The following USP9Y variants were observed in gnomAD, a reference collection of about 807,000 sequenced individuals.
USP9Y encodes ubiquitin carboxyl-terminal hydrolase 9Y.
USP9Y carries 41 observed loss-of-function variants against 53.1 expected under a neutral mutation model. That is an observed-to-expected ratio of 0.77 (90% CI 0.60 to 1.00). The LOEUF is 1.00. Among genes scored for constraint, USP9Y ranks in the 50% least tolerant of loss-of-function variants. The pLI is 0.00. For synonymous variants in USP9Y, 220 were observed against 173.7 expected (o/e 1.27, Z -2.09); for missense variants, 567 against 535.8 (o/e 1.06, Z -0.58).
At chrY:12,713,008 C>T (rs2053426291) in intron 3 of USP9Y, among the ~76,000 whole-genome samples, 2 of 31,919 alleles carry the variant, frequency 6.3e-5, no homozygotes, top group East Asian at 1.6e-3. Flanking sequence ...TCATTGAATA[C>T]GTTGTTGTTA....
chrY:12,846,858 T>G, intron 40 of USP9Y, 75 bp from the exon 41 acceptor site: 1 of 258,079 alleles, frequency 3.9e-6, no homozygotes, highest in Non-Finnish European at 6.2e-6. Context: ...ATTGTATTTT[T>G]TAAGTTAAGA....
intron 27 of USP9Y, among the ~76,000 whole-genome samples, chrY:12,809,035 A>T (rs2053527415): frequency 8.8e-5 from 3 of 33,912 alleles, no homozygotes; most frequent in African/African-American, 3.4e-4. Flanking sequence ...TGTTAGAAAA[A>T]TAGCAAGGTC....
In USP9Y at chrY:12,841,011, G is replaced by A. The variant is rs749797844; in HGVS notation, c.6090G>A (p.Gly2030=). The A allele has an allele frequency of 5.1e-6, 2 of 391,483 alleles. No homozygotes were observed. The highest frequency in any genetic ancestry group is 3.0e-5 in the South Asian group (1 of 33,384). ...CNGVYLNPAP[G]QDYLLPEAEE... is the part of the protein sequence containing the mutation. ...CATATATATACTTTTTATTTAAAGG[G>A]CAGGATTATTTGTTGCCTGAAGCAG... is the stretch of plus-strand genomic sequence containing the variant. Residue 2030 remains glycine (G), a splice_region_variant and synonymous_variant, in exon 37 of 46, where the codon GGG becomes GGA. Transcript: ENST00000338981.
intron 32 of USP9Y, among the ~76,000 whole-genome samples, chrY:12,817,558 C>T (rs2053537510): frequency 3.0e-5 from 1 of 33,757 alleles, no homozygotes; most frequent in African/African-American, 1.2e-4. Flanking sequence ...GGGTTGTTGA[C>T]CAATACCAGG....
chrY:12,705,028 C>T (rs2053418509), intron 1 of USP9Y, among the ~76,000 whole-genome samples: 1 of 32,154 alleles, frequency 3.1e-5, no homozygotes, highest in Non-Finnish European at 7.6e-5. Flanking sequence ...TCTTTTTCTC[C>T]CTTAAGATTA....
At chrY:12,757,903 G>A in intron 13 of USP9Y, among the ~76,000 whole-genome samples, 1 of 33,558 alleles carries the variant, frequency 3.0e-5, no homozygotes, top group Admixed American at 2.7e-4. Flanking sequence ...CATTCACTAA[G>A]CATTTTTGCC....
chrY:12,831,580 C>G (rs757837812), intron 33 of USP9Y, among the ~76,000 whole-genome samples: 1 of 33,086 alleles, frequency 3.0e-5, no homozygotes, highest in South Asian at 6.9e-4. Context: ...GAAACCCCAT[C>G]TCTACTAAAA....
intron 15 of USP9Y, among the ~76,000 whole-genome samples, chrY:12,761,668 A>G: frequency 6.0e-5 from 2 of 33,478 alleles, no homozygotes; most frequent in African/African-American, 2.3e-4. Flanking sequence ...AGAGGAGACA[A>G]ACTTTTATTG....
intron 1 of USP9Y, among the ~76,000 whole-genome samples, chrY:12,707,195 C>G: frequency 2.4e-4 from 8 of 33,351 alleles, no homozygotes; most frequent in Admixed American, 2.2e-3. Flanking sequence ...CTCGGCTCAC[C>G]GCAACCTCTG....
At position 12,769,777 on chromosome Y, in the gene USP9Y, AGT is replaced by A. The variant is rs34777653; in HGVS notation, c.1901-1268_1901-1267del. Reference sequence around the variant, plus strand: ...TTAGTTGAGTGTTACCTTTTGAATAAGTGTGTGTGTGTGTGTGTGTGTGTATG... The same window carrying A: ...TTAGTTGAGTGTTACCTTTTGAATAAGTGTGTGTGTGTGTGTGTGTGTATG... On this transcript the variant is annotated intron_variant, in intron 15 of 45. Coordinates refer to ENST00000338981, the MANE Select transcript of USP9Y (RefSeq NM_004654.4). Among the ~76,000 whole-genome samples the A allele has an allele frequency of 2.5e-3, 73 of 29,642 alleles. No homozygotes were observed. In the South Asian group the frequency reaches 0.028, roughly 11 times the overall value. 79.5% of individuals were successfully genotyped at this position (29,642 alleles called of 37,273 possible). A position where few individuals can be genotyped will look rare whatever the true frequency, so the allele number is the denominator to read the frequency against.
At chrY:12,707,546 T>G in intron 1 of USP9Y, among the ~76,000 whole-genome samples, 1 of 33,789 alleles carries the variant, frequency 3.0e-5, no homozygotes, top group Non-Finnish European at 7.3e-5. Context: ...AGTGCTGTTC[T>G]TAAATTTGTT....
chrY:12,766,972 T>G (rs977481708), intron 15 of USP9Y, among the ~76,000 whole-genome samples: 1 of 33,346 alleles, frequency 3.0e-5, no homozygotes, highest in Non-Finnish European at 7.4e-5. Context: ...AAGCGACGGA[T>G]GAGAAAATGT....
intron 34 of USP9Y, among the ~76,000 whole-genome samples, chrY:12,835,282 C>G (rs760503410): frequency 6.0e-5 from 2 of 33,304 alleles, no homozygotes; most frequent in Non-Finnish European, 1.5e-4. Context: ...ACTCCAGGTT[C>G]AAGCTTTCCT....
At chrY:12,818,707 A>G in intron 33 of USP9Y, 97 bp downstream of exon 33, 1 of 211,266 alleles carries the variant, frequency 4.7e-6, no homozygotes. Flanking sequence ...TTTTATATTT[A>G]ATATTTAAAC....
intron 3 of USP9Y, among the ~76,000 whole-genome samples, chrY:12,713,421 A>G (rs551255390): frequency 5.2e-4 from 17 of 32,912 alleles, no homozygotes; most frequent in African/African-American, 1.7e-3. Flanking sequence ...TGCATTACTT[A>G]CAGAATGCTT....
intron 38 of USP9Y, 121 bp downstream of exon 38, chrY:12,842,586 T>C: frequency 5.7e-6 from 1 of 174,095 alleles, no homozygotes; most frequent in Non-Finnish European, 1.0e-5. Context: ...ATAAACAAAT[T>C]CATACGTATG....
At chrY:12,857,721 C>T in intron 45 of USP9Y, 60 bp downstream of exon 45, 1 of 249,631 alleles carries the variant, frequency 4.0e-6, no homozygotes, top group Non-Finnish European at 6.3e-6. Flanking sequence ...CTTAAAAGGT[C>T]TTCAATTATT....
In USP9Y at chrY:12,840,428, A is replaced by G; in HGVS notation, c.5902A>G (p.Ile1968Val). 2.5e-6 allele frequency: 1 copy of G among 395,999 alleles called. No individual in the cohort carries two copies. Among genetic ancestry groups the G allele is most frequent in the Non-Finnish European group, 3.5e-6 (1 of 282,727 alleles). The change falls in exon 36 of 46, where the codon ATA (isoleucine) becomes GTA (valine). Residue 1968 changes from isoleucine (I) to valine (V), a missense_variant. Coordinates refer to ENST00000338981, the MANE Select transcript of USP9Y (RefSeq NM_004654.4). The stretch of plus-strand genomic sequence containing the variant: ...TATGATAGATGAAGATGATGAGATG[A>G]TAAGATACATATCAGAGCTAACTAT... ...MDMIDEDDEM[I>V]RYISELTIAR...
At chrY:12,828,358 G>C (rs1034190528) in intron 33 of USP9Y, among the ~76,000 whole-genome samples, 2 of 33,693 alleles carry the variant, frequency 5.9e-5, no homozygotes, top group African/African-American at 2.3e-4. Flanking sequence ...GACAATACCT[G>C]ATGACAAAGG....
Sources: gnomAD v4.1 joint callset for allele counts (sites outside exome capture counted in the v4.1 genomes callset) on GRCh38, gnomAD v4.1.1 for gene constraint, MANE v1.5 for transcripts, NCBI Gene and HGNC (gene_info 2026-07-23, HGNC 2026-07-21) for gene names.